Variants in HEATR4 observed in about 807,000 individuals in gnomAD.
The protein encoded by HEATR4 is HEAT repeat-containing protein 4.
HEATR4 carries 95 observed loss-of-function variants against 108.8 expected under a neutral mutation model. The observed-to-expected ratio is 0.87, with a 90% confidence interval of 0.74 to 1.04. HEATR4 has a LOEUF of 1.04. Ranked by LOEUF, HEATR4 falls within the 50% of genes least tolerant of loss-of-function variation. HEATR4 has a pLI of 0.00. For synonymous variants in HEATR4, 443 were observed against 459.4 expected, an observed-to-expected ratio of 0.96 and a Z score of 0.46; for missense variants, 1,152 against 1,253.8, an observed-to-expected ratio of 0.92 and a Z score of 1.23.
chr14:73,577,342 C>T, the HEATR4 span, among the ~76,000 whole-genome samples: 1 of 135,666 alleles, frequency 7.4e-6, no homozygotes, highest in Non-Finnish European at 1.6e-5. Context: ...TGTTACTCTG[C>T]AACCCAGGAA....
chr14:73,534,342 G>A (rs1433412163), intron 1 of HEATR4, among the ~76,000 whole-genome samples: 1 of 108,586 alleles, frequency 9.2e-6, no homozygotes, highest in Non-Finnish European at 2.0e-5. Flanking sequence ...TCAGACCACT[G>A]CACTCCAGCC....
chr14:73,603,336 A>G, the HEATR4 span, among the ~76,000 whole-genome samples: 3 of 151,964 alleles, frequency 2.0e-5, 1 homozygote, highest in South Asian at 6.2e-4. Flanking sequence ...CATTTTACCA[A>G]TAATCTGTTT....
the HEATR4 span, among the ~76,000 whole-genome samples, chr14:73,590,728 A>T: frequency 2.6e-5 from 4 of 151,748 alleles, no homozygotes; most frequent in Non-Finnish European, 5.9e-5. Context: ...GGCCGCTCCA[A>T]GTGCGGGGCC....
chr14:73,561,897 A>G (rs1889535410), upstream of HEATR4, among the ~76,000 whole-genome samples: 1 of 152,052 alleles, frequency 6.6e-6, no homozygotes, highest in South Asian at 2.1e-4. Flanking sequence ...AGATGGGAGG[A>G]TTGCTTGCAC....
chr14:73,599,173 C>T, the HEATR4 span, among the ~76,000 whole-genome samples: 1 of 151,930 alleles, frequency 6.6e-6, no homozygotes, highest in Non-Finnish European at 1.5e-5. Context: ...TGAAAAACAC[C>T]TCCAGATCAT....
chr14:73,491,255 C>A, intron 17 of HEATR4: 1 of 1,579,682 alleles, frequency 6.3e-7, no homozygotes, highest in Non-Finnish European at 8.6e-7. Flanking sequence ...GGACGCGCTA[C>A]CCGGTGGGGC....
rs1888615300 is a variant in HEATR4 at position 73,530,104 on chromosome 14, A to C, written c.-73+62T>G. The C allele has an allele frequency of 1.6e-5, 2 of 123,952 alleles. 1 individual carries two copies. The highest frequency in any genetic ancestry group is 3.5e-5 in the Non-Finnish European group (2 of 57,270). 7.7% of individuals were successfully genotyped at this position (123,952 alleles called of 1,614,324 possible). A position where few individuals can be genotyped will look rare whatever the true frequency, so the allele number is the denominator to read the frequency against. On this transcript the variant is annotated intron_variant, in intron 2 of 17. Coordinates refer to ENST00000553558, the MANE Select transcript of HEATR4 (RefSeq NM_001220484.1). ...CAGCGTCCCCAGTAGCTGGGACCAC[A>C]GGTGTGCACCACCATGCCTGGCTAA...
chr14:73,629,053 T>TC, the HEATR4 span, among the ~76,000 whole-genome samples: 5 of 101,936 alleles, frequency 4.9e-5, no homozygotes, highest in Admixed American at 2.4e-4. Flanking sequence ...GAGAGTATGT[T>TC]CCCAAAAAAA....
chr14:73,548,726 GA>G lies in HEATR4; in HGVS notation c.-152+10024del, dbSNP rs561228960. On this transcript the variant is annotated intron_variant, in intron 1 of 17. Coordinates refer to ENST00000553558, the MANE Select transcript of HEATR4 (RefSeq NM_001220484.1). ...CACTGGGGGAGGAGAAAGGGGAAAGGAAAAAAAGTCTTAAGGTTTGAGGCTA... is the reference window on the plus strand; with the variant it reads ...CACTGGGGGAGGAGAAAGGGGAAAGGAAAAAAGTCTTAAGGTTTGAGGCTA... 3.5e-5 allele frequency among the ~76,000 whole-genome samples: 4 copies of G among 114,014 alleles called. 1 individual carries two copies. The highest frequency in any genetic ancestry group is 7.6e-5 in the Non-Finnish European group (4 of 52,362). 74.8% of individuals were successfully genotyped at this position (114,014 alleles called of 152,430 possible).
At chr14:73,501,547 G>A (rs1394822979) in intron 11 of HEATR4, among the ~76,000 whole-genome samples, 2 of 149,814 alleles carry the variant, frequency 1.3e-5, no homozygotes, top group Non-Finnish European at 3.0e-5. Flanking sequence ...CCCACTCTGC[G>A]GCTCCTATGC....
the HEATR4 span, among the ~76,000 whole-genome samples, chr14:73,614,964 G>A: frequency 6.6e-6 from 1 of 151,174 alleles, no homozygotes; most frequent in African/African-American, 2.4e-5. Context: ...GGGCATGGTG[G>A]TGGGTGCCTG....
chr14:73,529,495 T>C lies in HEATR4; in HGVS notation c.-73+671A>G, dbSNP rs186461369. ...AGGAATGGGGTTGGAAGGGTTAGGCTACATGCCTCTAGTTAAAACCTGATG... is the reference window on the plus strand; with the variant it reads ...AGGAATGGGGTTGGAAGGGTTAGGCCACATGCCTCTAGTTAAAACCTGATG... On this transcript the variant is annotated intron_variant, in intron 2 of 17. Transcript: ENST00000553558. 8.8e-3 allele frequency among the ~76,000 whole-genome samples: 1,329 copies of C among 151,660 alleles called. 27 individuals carry two copies. Among genetic ancestry groups the C allele is most frequent in the African/African-American group, 0.025 (1,009 of 41,180 alleles).
chr14:73,526,766 G>A (rs2140301981), intron 2 of HEATR4, among the ~76,000 whole-genome samples: 1 of 152,292 alleles, frequency 6.6e-6, no homozygotes, highest in South Asian at 2.1e-4. Context: ...AGTGCCCTTG[G>A]GCTTTGAGTA....
chr14:73,564,321 G>A, the HEATR4 span, among the ~76,000 whole-genome samples: 1 of 148,584 alleles, frequency 6.7e-6, no homozygotes, highest in Non-Finnish European at 1.5e-5. Flanking sequence ...ATTAAAAAAA[G>A]AAACATGGCC....
chr14:73,493,332 C>G, intron 16 of HEATR4: 1 of 530,538 alleles, frequency 1.9e-6, no homozygotes, highest in East Asian at 3.1e-5. Flanking sequence ...GGGTCAGTAT[C>G]CTGTTTGTTA....
At chr14:73,564,721 G>GTTTTTTTTTTTTTTTT in the HEATR4 span, among the ~76,000 whole-genome samples, 2 of 83,548 alleles carry the variant, frequency 2.4e-5, no homozygotes, top group Non-Finnish European at 4.3e-5. Context: ...TATCTTTTCT[G>GTTTTTTTTTTTTTTTT]TTTTTTGTTT....
In HEATR4 at chr14:73,495,227, C is replaced by T; in HGVS notation, c.2785+1G>A. On this transcript the variant is annotated splice_donor_variant, in intron 16 of 17. Coordinates refer to ENST00000553558, the MANE Select transcript of HEATR4 (RefSeq NM_001220484.1). LOFTEE classifies it high-confidence loss of function. ...ATGGAACTCACCCCTAGGAAACCTA[C>T]CCTGAAAAGTTTCTTGGAGTAAAGT... 6.2e-7 allele frequency: 1 copy of T among 1,612,772 alleles called. No individual in the cohort carries two copies. Among genetic ancestry groups the T allele is most frequent in the South Asian group, 1.1e-5 (1 of 90,736 alleles).
the HEATR4 span, among the ~76,000 whole-genome samples, chr14:73,570,903 TAA>T: frequency 0.31 from 42,493 of 137,312 alleles, 6,835 homozygotes; most frequent in East Asian, 0.53. Flanking sequence ...GACTCTATCT[TAA>T]AAAAAAAAAA....
At chr14:73,563,512 T>G (rs1486636823), upstream of HEATR4, among the ~76,000 whole-genome samples, 9 of 151,976 alleles carry the variant, frequency 5.9e-5, no homozygotes. Flanking sequence ...GGAGACTCAC[T>G]TGAACCCGGG....
Sources: gnomAD v4.1 joint callset for allele counts (sites outside exome capture counted in the v4.1 genomes callset) on GRCh38, gnomAD v4.1.1 for gene constraint, MANE v1.5 for transcripts, NCBI Gene and HGNC (gene_info 2026-07-23, HGNC 2026-07-21) for gene names.